DTNBP1: variants seen among roughly 807,000 people sequenced by gnomAD.
DTNBP1 encodes dysbindin.
DTNBP1 carries 35 observed loss-of-function variants against 42.8 expected under a neutral mutation model. That is an observed-to-expected ratio of 0.82 (90% confidence interval 0.63 to 1.09). The LOEUF is 1.09. Among genes scored for constraint, DTNBP1 ranks in the 50% least tolerant of loss-of-function variants. DTNBP1 has a pLI of 0.00. For missense variants in DTNBP1, 457 were observed against 424.2 expected, an observed-to-expected ratio of 1.08 and a Z score of -0.68; for synonymous variants, 171 against 162.2, an observed-to-expected ratio of 1.05 and a Z score of -0.41.
At chr6:15,607,607 T>G (rs1758150724) in intron 6 of DTNBP1, among the ~76,000 whole-genome samples, 1 of 152,166 alleles carries the variant, frequency 6.6e-6, no homozygotes, top group African/African-American at 2.4e-5. Flanking sequence ...CAGCAAAACA[T>G]TTCTTTACCA....
chr6:15,585,036 C>A (rs1310234568), intron 7 of DTNBP1, among the ~76,000 whole-genome samples: 1 of 138,422 alleles, frequency 7.2e-6, no homozygotes, highest in Non-Finnish European at 1.5e-5. Context: ...ATAAGGAATA[C>A]ACTGAAGTTA....
intron 6 of DTNBP1, among the ~76,000 whole-genome samples, chr6:15,594,079 A>G (rs955596109): frequency 6.6e-6 from 1 of 152,134 alleles, no homozygotes; most frequent in Admixed American, 6.5e-5. Flanking sequence ...TGGTCATCCC[A>G]CTCCGTTTTT....
At chr6:15,610,971 T>A (rs1178729099) in intron 6 of DTNBP1, among the ~76,000 whole-genome samples, 1 of 152,238 alleles carries the variant, frequency 6.6e-6, no homozygotes, top group Non-Finnish European at 1.5e-5. Context: ...CGATAACTGA[T>A]GAAGGTGGCT....
At chr6:15,651,266 G>T (rs1760975657) in intron 3 of DTNBP1, 47 bp downstream of exon 3, 3 of 1,568,366 alleles carry the variant, frequency 1.9e-6, no homozygotes, top group Non-Finnish European at 2.6e-6. Flanking sequence ...TTTTTGGTCA[G>T]TAAAAAAGTC....
At position 15,595,250 on chromosome 6, in the gene DTNBP1, CTTTTTTTTTTTTTTTTTTTTTTTTT is replaced by C. The variant is rs561001975; in HGVS notation, c.489-2194_489-2170del. 18 of 310,482 alleles carry C rather than the reference CTTTTTTTTTTTTTTTTTTTTTTTTT, an allele frequency of 5.8e-5. No homozygotes were observed. The African/African-American group carries it at 5.9e-4, about 10-fold the overall frequency. The allele number at this position is 310,482 out of a possible 1,614,324, so 19.2% of individuals were successfully genotyped here. A position where few individuals can be genotyped will look rare whatever the true frequency, so the allele number is the denominator to read the frequency against. On this transcript the variant is annotated intron_variant, in intron 6 of 9. Coordinates refer to ENST00000344537, the MANE Select transcript of DTNBP1 (RefSeq NM_032122.5). ...AAAGAAAAAAATCAGTATTATGCAACTTTTTTTTTTTTTTTTTTTTTTTTTTTTTTTTGAGACAGAGTCTTGCTCT... is the reference window on the plus strand; with the variant it reads ...AAAGAAAAAAATCAGTATTATGCAACTTTTTTTGAGACAGAGTCTTGCTCT...
rs1760710345 is a variant in DTNBP1, at chr6:15,646,857, C to T, written c.161+4456G>A. 2.0e-5 allele frequency among the ~76,000 whole-genome samples: 3 copies of T among 151,850 alleles called. No individual in the cohort carries two copies. In the South Asian group the frequency reaches 6.2e-4, roughly 32 times the overall value. On this transcript the variant is annotated intron_variant, in intron 3 of 9. Coordinates refer to ENST00000344537, the MANE Select transcript of DTNBP1 (RefSeq NM_032122.5). Reference sequence around the variant, plus strand: ...CTGGACCCCTACCTCTTACCATATACAAAAATTAGCTCAAGATTAAAGACT... The same window carrying T: ...CTGGACCCCTACCTCTTACCATATATAAAAATTAGCTCAAGATTAAAGACT...
At chr6:15,571,473 G>A (rs886653798) in intron 7 of DTNBP1, among the ~76,000 whole-genome samples, 3 of 151,978 alleles carry the variant, frequency 2.0e-5, no homozygotes, top group Admixed American at 1.3e-4. Context: ...CCTCTCTCCC[G>A]CCCTCTTTTA....
At chr6:15,621,990 C>A (rs2113722481) in intron 5 of DTNBP1, among the ~76,000 whole-genome samples, 1 of 152,326 alleles carries the variant, frequency 6.6e-6, no homozygotes, top group East Asian at 1.9e-4. Context: ...ACTCTCATAT[C>A]TCTCAGGAAT....
chr6:15,627,797 A>AAAAAAC (rs1473356622), intron 4 of DTNBP1, among the ~76,000 whole-genome samples: 1 of 151,818 alleles, frequency 6.6e-6, no homozygotes, highest in Non-Finnish European at 1.5e-5. Context: ...CTAGAAAAAA[A>AAAAAAC]AAAAACAAAA....
intron 4 of DTNBP1, 140 bp from the exon 5 acceptor site, chr6:15,627,615 A>G: frequency 7.7e-7 from 1 of 1,298,836 alleles, no homozygotes. Context: ...AAGAGACTGA[A>G]GTTGTTTTCA....
chr6:15,660,144 T>C (rs1326361059), intron 1 of DTNBP1, among the ~76,000 whole-genome samples: 1 of 152,226 alleles, frequency 6.6e-6, no homozygotes, highest in Non-Finnish European at 1.5e-5. Context: ...TTAGTGTTAA[T>C]TTTATTATCT....
At chr6:15,643,464 A>G (rs992298870) in intron 3 of DTNBP1, among the ~76,000 whole-genome samples, 2 of 152,180 alleles carry the variant, frequency 1.3e-5, no homozygotes, top group African/African-American at 2.4e-5. Context: ...GATACCATAT[A>G]AGATGACATC....
At chr6:15,654,212 AG>A (rs1761163255) in intron 1 of DTNBP1, among the ~76,000 whole-genome samples, 1 of 152,236 alleles carries the variant, frequency 6.6e-6, no homozygotes, top group South Asian at 2.1e-4. Flanking sequence ...ATTGTGTAAA[AG>A]TCTAATATAA....
intron 5 of DTNBP1, among the ~76,000 whole-genome samples, chr6:15,620,914 C>T (rs1377340232): frequency 2.6e-5 from 4 of 151,842 alleles, no homozygotes; most frequent in Admixed American, 6.6e-5. Flanking sequence ...TTAAATGAGC[C>T]GAAGTACCTA....
intron 3 of DTNBP1, among the ~76,000 whole-genome samples, chr6:15,639,948 C>T (rs959009046): frequency 5.9e-5 from 9 of 152,112 alleles, no homozygotes; most frequent in Admixed American, 1.3e-4. Flanking sequence ...CCTTTTCTCC[C>T]CGTTATTATG....
Position 15,526,998 on chromosome 6 carries a change from G to A in DTNBP1, c.668-2329C>T, listed in dbSNP as rs1044654678. On this transcript the variant is annotated intron_variant, in intron 8 of 9. Transcript: ENST00000344537. ...ATCTAGCTACCTTCTGTTTACAGGA[G>A]ACAAATATGGAGACACAGAAACATG... 2.0e-5 allele frequency among the ~76,000 whole-genome samples: 3 copies of A among 152,144 alleles called. No individual in the cohort carries two copies. In the East Asian group the frequency reaches 5.8e-4, roughly 29 times the overall value.
chr6:15,574,602 T>C (rs949820220), intron 7 of DTNBP1, among the ~76,000 whole-genome samples: 10 of 152,220 alleles, frequency 6.6e-5, no homozygotes, highest in African/African-American at 2.2e-4. Context: ...TGTCACACTC[T>C]CCAGTGTGCA....
chr6:15,649,484 G>A (rs1436075986), intron 3 of DTNBP1, among the ~76,000 whole-genome samples: 1 of 152,124 alleles, frequency 6.6e-6, no homozygotes, highest in Non-Finnish European at 1.5e-5. Context: ...TAGAATGATG[G>A]TTGCCTGGGA....
At chr6:15,611,223 T>C (rs570582277) in intron 6 of DTNBP1, among the ~76,000 whole-genome samples, 1 of 152,352 alleles carries the variant, frequency 6.6e-6, no homozygotes, top group African/African-American at 2.4e-5. Flanking sequence ...CTAAATTTAC[T>C]CTGCCTGTGC....
Sources: allele counts gnomAD v4.1 joint callset (sites outside exome capture counted in the v4.1 genomes callset), GRCh38; gene constraint gnomAD v4.1.1; transcripts MANE v1.5; gene names NCBI Gene and HGNC (gene_info 2026-07-23, HGNC 2026-07-21).